IPO11: variants seen among roughly 807,000 people sequenced by gnomAD.
IPO11 encodes importin 11.
In IPO11, 66 loss-of-function variants were observed where a neutral mutation model predicts 143.2. That is an observed-to-expected ratio of 0.46 (90% CI 0.38 to 0.57). The LOEUF is 0.57. IPO11 is among the 20% of genes least tolerant of loss of function. The pLI is 0.00. For missense variants in IPO11, 1,026 were observed against 1,141.0 expected (o/e 0.90, Z 1.45); for synonymous variants, 385 against 377.8 (o/e 1.02, Z -0.22).
intron 27 of IPO11, chr5:62,580,518 T>C: frequency 6.4e-7 from 1 of 1,551,422 alleles, no homozygotes; most frequent in Non-Finnish European, 8.7e-7. Flanking sequence ...ATTCTAATCC[T>C]TGGGAATGTA....
At chr5:62,580,633 A>G in intron 27 of IPO11, 3 of 1,551,502 alleles carry the variant, frequency 1.9e-6, no homozygotes, top group East Asian at 2.4e-5. Context: ...ATTACGTTAT[A>G]TTAACATTAC....
At chr5:62,462,522 A>G (rs55758795) in intron 5 of IPO11, among the ~76,000 whole-genome samples, 2,035 of 150,776 alleles carry the variant, frequency 0.013, 44 homozygotes, top group African/African-American at 0.047. Flanking sequence ...CTTTGCTACC[A>G]TTATTAAAAA....
chr5:62,525,356 C>CTTTTTT (rs70981021), intron 20 of IPO11, among the ~76,000 whole-genome samples: 1 of 144,508 alleles, frequency 6.9e-6, no homozygotes. Context: ...TCCTCCCATC[C>CTTTTTT]TTTTTTTTTT....
intron 24 of IPO11, among the ~76,000 whole-genome samples, chr5:62,537,530 C>T (rs1252424425): frequency 6.6e-6 from 1 of 152,120 alleles, no homozygotes; most frequent in Non-Finnish European, 1.5e-5. Flanking sequence ...TTCTGGATTT[C>T]TAACAAGGTC....
rs796551862 is a variant in IPO11 at position 62,556,134 on chromosome 5, CA to C, written c.2460+4806del. ...AGCTTTAAAATATTGCATCATCATG[CA>C]AAAAAAATACATCTTATTGAGTAAT... On this transcript the variant is annotated intron_variant, in intron 26 of 29. Coordinates refer to ENST00000325324, the MANE Select transcript of IPO11 (RefSeq NM_016338.5). Among the ~76,000 whole-genome samples the C allele has an allele frequency of 4.9e-3, 749 of 151,428 alleles. 3 individuals are homozygous for C. The highest frequency in any genetic ancestry group is 9.6e-3 in the Admixed American group (146 of 15,234).
chr5:62,531,929 C>G (rs890548539), intron 22 of IPO11, among the ~76,000 whole-genome samples: 1 of 152,228 alleles, frequency 6.6e-6, no homozygotes, highest in Admixed American at 6.5e-5. Flanking sequence ...AGGTGTTGAT[C>G]TACTAGAAAA....
intron 29 of IPO11, among the ~76,000 whole-genome samples, chr5:62,607,638 A>G (rs1423546657): frequency 6.6e-6 from 1 of 152,154 alleles, no homozygotes; most frequent in Non-Finnish European, 1.5e-5. Context: ...GAGAATCCTT[A>G]CCTTATAGCA....
At chr5:62,579,520 G>A in intron 27 of IPO11, 1 of 1,550,978 alleles carries the variant, frequency 6.4e-7, no homozygotes. Context: ...ACTCCACAAA[G>A]AAATACTTGG....
intron 27 of IPO11, among the ~76,000 whole-genome samples, chr5:62,583,700 T>G (rs1027167036): frequency 6.6e-6 from 1 of 152,234 alleles, no homozygotes; most frequent in Admixed American, 6.5e-5. Flanking sequence ...GTTTGGTAGT[T>G]GTACAGTTAA....
chr5:62,495,519 G>A (rs913840386), intron 16 of IPO11, among the ~76,000 whole-genome samples: 1 of 151,082 alleles, frequency 6.6e-6, no homozygotes, highest in Non-Finnish European at 1.5e-5. Flanking sequence ...TTTTTGCCTC[G>A]GTTGCAGTGC....
chr5:62,503,368 T>A (rs1164007279), intron 16 of IPO11, among the ~76,000 whole-genome samples: 2 of 141,682 alleles, frequency 1.4e-5, no homozygotes, highest in South Asian at 2.2e-4. Context: ...ATTAATAGTA[T>A]CTACTAATAT....
intron 19 of IPO11, among the ~76,000 whole-genome samples, chr5:62,511,996 C>T (rs1158569482): frequency 6.6e-6 from 1 of 152,042 alleles, no homozygotes; most frequent in Admixed American, 6.5e-5. Flanking sequence ...ATACAGAGCA[C>T]ATCGTGGCTT....
At chr5:62,475,452 A>G (rs1229274354) in intron 8 of IPO11, among the ~76,000 whole-genome samples, 4 of 152,170 alleles carry the variant, frequency 2.6e-5, no homozygotes, top group African/African-American at 7.2e-5. Flanking sequence ...TTGAGGCTGC[A>G]GTGAGCAGTG....
At chr5:62,545,774 A>C (rs1171686647) in intron 24 of IPO11, among the ~76,000 whole-genome samples, 1 of 152,238 alleles carries the variant, frequency 6.6e-6, no homozygotes, top group Non-Finnish European at 1.5e-5. Context: ...AACCCCATCA[A>C]AAAGTGGGTG....
chr5:62,622,809 A>G (rs977386150), intron 29 of IPO11, among the ~76,000 whole-genome samples: 4 of 152,236 alleles, frequency 2.6e-5, no homozygotes, highest in Non-Finnish European at 5.9e-5. Context: ...TGAGACATGT[A>G]TGTATATACG....
intron 20 of IPO11, among the ~76,000 whole-genome samples, chr5:62,523,177 TTCTG>T (rs1247455160): frequency 2.6e-5 from 4 of 152,250 alleles, no homozygotes; most frequent in Non-Finnish European, 5.9e-5. Flanking sequence ...TCTCTTCTTA[TTCTG>T]TCTTTGTATT....
intron 11 of IPO11, among the ~76,000 whole-genome samples, chr5:62,484,804 T>G (rs1746337204): frequency 6.6e-6 from 1 of 152,040 alleles, no homozygotes; most frequent in African/African-American, 2.4e-5. Flanking sequence ...GCCCAAAAGT[T>G]TTTGTAATAC....
intron 16 of IPO11, among the ~76,000 whole-genome samples, chr5:62,494,336 T>G (rs1472251090): frequency 6.6e-6 from 1 of 152,088 alleles, no homozygotes; most frequent in Non-Finnish European, 1.5e-5. Context: ...AAAATTAAGC[T>G]CTACTATTAT....
rs935686042 is a variant in IPO11, at chr5:62,483,354, A to G, written c.1021+61A>G. Reference sequence around the variant, plus strand: ...TAATCTTAAGTGTGATATAATTGCTATAATTACAAACTTTTTAAAAAATGT... The same window carrying G: ...TAATCTTAAGTGTGATATAATTGCTGTAATTACAAACTTTTTAAAAAATGT... On this transcript the variant is annotated intron_variant, in intron 10 of 29. Coordinates refer to ENST00000325324, the MANE Select transcript of IPO11 (RefSeq NM_016338.5). The G allele has an allele frequency of 6.1e-6, 6 of 985,710 alleles. No homozygotes were observed. In the African/African-American group the frequency reaches 6.7e-5, roughly 11 times the overall value. The allele number at this position is 985,710 out of a possible 1,614,324, so 61.1% of individuals were successfully genotyped here. A position where few individuals can be genotyped will look rare whatever the true frequency, so the allele number is the denominator to read the frequency against.
Sources: allele counts gnomAD v4.1 joint callset (sites outside exome capture counted in the v4.1 genomes callset), GRCh38; gene constraint gnomAD v4.1.1; transcripts MANE v1.5; gene names NCBI Gene and HGNC (gene_info 2026-07-23, HGNC 2026-07-21).